The following CCAR1 variants were observed in gnomAD, a reference collection of about 807,000 sequenced individuals.
CCAR1 encodes cell division cycle and apoptosis regulator 1.
In CCAR1, 78 loss-of-function variants were observed where a neutral mutation model predicts 163.8. That is an observed-to-expected ratio of 0.48 (90% CI 0.40 to 0.57). The LOEUF is 0.57. Among genes scored for constraint, CCAR1 ranks in the 20% least tolerant of loss-of-function variants. CCAR1 has a pLI of 0.00. For synonymous variants in CCAR1, 443 were observed against 460.7 expected (o/e 0.96, Z 0.49); for missense variants, 1,019 against 1,365.2 (o/e 0.75, Z 4.00).
At chr10:68,726,550 GATACTCT>G (rs1252653809) in intron 2 of CCAR1, among the ~76,000 whole-genome samples, 1 of 152,104 alleles carries the variant, frequency 6.6e-6, no homozygotes, top group Non-Finnish European at 1.5e-5. Flanking sequence ...GCTTGGTGGT[GATACTCT>G]ATCTTTAGTA....
At chr10:68,780,865 C>CT (rs749653228) in intron 19 of CCAR1, among the ~76,000 whole-genome samples, 1 of 152,182 alleles carries the variant, frequency 6.6e-6, no homozygotes, top group Non-Finnish European at 1.5e-5. Flanking sequence ...TCTGATCACT[C>CT]TATCAACCTG....
intron 2 of CCAR1, among the ~76,000 whole-genome samples, chr10:68,725,837 C>T (rs1164525361): frequency 6.6e-6 from 1 of 151,728 alleles, no homozygotes; most frequent in Non-Finnish European, 1.5e-5. Flanking sequence ...ACGTGGAGAC[C>T]TGGCACAGTG....
chr10:68,737,820 G>C, intron 3 of CCAR1, 25 bp from the exon 4 acceptor site: 1 of 1,521,344 alleles, frequency 6.6e-7, no homozygotes, highest in Admixed American at 1.9e-5. Context: ...ATTTTTCTTT[G>C]AAAAATTTTT....
intron 2 of CCAR1, among the ~76,000 whole-genome samples, chr10:68,724,080 C>T (rs1336220624): frequency 6.6e-6 from 1 of 151,536 alleles, no homozygotes; most frequent in Admixed American, 6.6e-5. Context: ...ATCGCTTGAA[C>T]GTGGGAGGCA....
chr10:68,739,440 CG>C (rs1330394411), intron 4 of CCAR1, among the ~76,000 whole-genome samples: 1 of 152,138 alleles, frequency 6.6e-6, no homozygotes, highest in East Asian at 1.9e-4. Flanking sequence ...TGAGGCACTG[CG>C]CCCAGCCTCA....
chr10:68,721,660 C>T (rs1346322581), intron 1 of CCAR1: 2 of 423,460 alleles, frequency 4.7e-6, no homozygotes, highest in Non-Finnish European at 4.8e-6. Context: ...TAGAGGCTTT[C>T]TCCGTGCGTG....
At chr10:68,740,568 A>T (rs1216808564) in intron 4 of CCAR1, 61 bp from the exon 5 acceptor site, 1 of 1,236,508 alleles carries the variant, frequency 8.1e-7, no homozygotes, top group African/African-American at 1.5e-5. Flanking sequence ...TTTATGAAGC[A>T]TCTATGAAGC....
chr10:68,775,757 C>T (rs1253624937), intron 19 of CCAR1, among the ~76,000 whole-genome samples: 6 of 123,346 alleles, frequency 4.9e-5, no homozygotes, highest in South Asian at 2.7e-4. Flanking sequence ...AGTGCAGTGG[C>T]GCAATCTCAG....
At position 68,763,339 on chromosome 10, in the gene CCAR1, C is replaced by T. The variant is rs985758588; in HGVS notation, c.2106+2147C>T. Among the ~76,000 whole-genome samples, 4 of 151,032 alleles carry T rather than the reference C, an allele frequency of 2.6e-5. No individual in the cohort carries two copies. The South Asian group carries it at 6.3e-4, about 24-fold the overall frequency. ...CTAATTTTTGTATTTTTAGTAGAGA[C>T]GGGGTTTTGTCATGTTGGCCAGGAT... On this transcript the variant is annotated intron_variant, in intron 16 of 24. Transcript: ENST00000265872.
intron 13 of CCAR1, among the ~76,000 whole-genome samples, chr10:68,755,771 A>G (rs2056391240): frequency 6.6e-6 from 1 of 152,234 alleles, no homozygotes; most frequent in South Asian, 2.1e-4. Context: ...GTTATGTTGT[A>G]CTTTGGAAGT....
chr10:68,783,094 C>G (rs1589192923), intron 19 of CCAR1, among the ~76,000 whole-genome samples: 1 of 151,462 alleles, frequency 6.6e-6, no homozygotes. Context: ...CCTTGGACCT[C>G]CTGGCCTCAA....
chr10:68,765,345 C>G (rs1209307062), intron 16 of CCAR1, among the ~76,000 whole-genome samples: 2 of 152,172 alleles, frequency 1.3e-5, no homozygotes, highest in Non-Finnish European at 2.9e-5. Flanking sequence ...CAGTAAATAC[C>G]TACTGGCTGT....
At chr10:68,780,015 T>G (rs1467884732) in intron 19 of CCAR1, among the ~76,000 whole-genome samples, 2 of 152,236 alleles carry the variant, frequency 1.3e-5, no homozygotes. Context: ...GGGATTGATT[T>G]ATTTTCTGTG....
Position 68,769,295 on chromosome 10 carries a change from T to G in CCAR1, c.2299-1911T>G, listed in dbSNP as rs7076704. On this transcript the variant is annotated intron_variant, in intron 17 of 24. Transcript: ENST00000265872. ...GGCCCGTTTTAGCCCTTTTTAAGAGTCTGTTGAAAGCAATGGACTTTAGCC... is the reference window on the plus strand; with the variant it reads ...GGCCCGTTTTAGCCCTTTTTAAGAGGCTGTTGAAAGCAATGGACTTTAGCC... 2.7e-3 allele frequency among the ~76,000 whole-genome samples: 418 copies of G among 152,062 alleles called. 2 individuals carry two copies. Among genetic ancestry groups the G allele is most frequent in the African/African-American group, 9.4e-3 (390 of 41,486 alleles).
At chr10:68,761,228 T>G (rs1383734948) in intron 16 of CCAR1, 36 bp downstream of exon 16, 2 of 1,281,742 alleles carry the variant, frequency 1.6e-6, no homozygotes, top group South Asian at 3.6e-5. Context: ...TCTATGGTAT[T>G]AATATTCATG....
chr10:68,723,545 GAGTT>G (rs2055892167), intron 2 of CCAR1, among the ~76,000 whole-genome samples: 1 of 151,882 alleles, frequency 6.6e-6, no homozygotes, highest in African/African-American at 2.4e-5. Context: ...CAGTATTAAT[GAGTT>G]ATGTTTAAAA....
chr10:68,736,798 C>T, intron 2 of CCAR1, 78 bp from the exon 3 acceptor site: 4 of 1,308,068 alleles, frequency 3.1e-6, no homozygotes, highest in South Asian at 1.4e-5. Context: ...GCGGGTATCT[C>T]TTCTATGTAC....
chr10:68,747,014 C>G (rs180694101), intron 6 of CCAR1, 147 bp from the exon 7 acceptor site: 2 of 524,862 alleles, frequency 3.8e-6, no homozygotes, highest in African/African-American at 4.0e-5. Context: ...AAAGAGCTTT[C>G]CAGGCTTCCA....
At chr10:68,757,163 A>C (rs2056405431) in intron 14 of CCAR1, 131 bp from the exon 15 acceptor site, 1 of 576,670 alleles carries the variant, frequency 1.7e-6, no homozygotes, top group Non-Finnish European at 3.0e-6. Context: ...ACTTGCCTAA[A>C]TAATAACTTT....
Sources: allele counts gnomAD v4.1 joint callset (sites outside exome capture counted in the v4.1 genomes callset), GRCh38; gene constraint gnomAD v4.1.1; transcripts MANE v1.5; gene names NCBI Gene and HGNC (gene_info 2026-07-23, HGNC 2026-07-21).